The following ASTL variants were observed in gnomAD, a reference collection of about 807,000 sequenced individuals.
ASTL encodes the protein astacin-like metalloendopeptidase.
A neutral mutation model predicts 36.7 loss-of-function variants in ASTL; 27 were observed. The observed-to-expected ratio is 0.73, with a 90% confidence interval of 0.54 to 1.01. ASTL has a LOEUF of 1.01. Among genes scored for constraint, ASTL ranks in the 50% least tolerant of loss-of-function variants. The probability of loss-of-function intolerance (pLI) is 0.00; values close to 1 mark genes in which losing one functional copy is unlikely to be tolerated. For synonymous variants in ASTL, 222 were observed against 228.1 expected (o/e 0.97, Z 0.24); for missense variants, 524 against 572.8 (o/e 0.91, Z 0.87).
Position 96,132,421 on chromosome 2 carries a change from G to T in ASTL, c.637+119C>A. The stretch of plus-strand genomic sequence containing the variant: ...AAGTGAGACCCCCACCTTCCCCACA[G>T]GAAGCAGGCAGGTGATGGGGAGGAT... On this transcript the variant is annotated intron_variant, in intron 6 of 8. Coordinates refer to ENST00000342380, the MANE Select transcript of ASTL (RefSeq NM_001002036.4). The surrounding 1 kb of genome is among the most constrained non-coding windows in gnomAD (Gnocchi z 5.4). 2 of 902,058 alleles carry T rather than the reference G, an allele frequency of 2.2e-6. No individual in the cohort carries two copies. Among genetic ancestry groups the T allele is most frequent in the Non-Finnish European group, 3.3e-6 (2 of 611,000 alleles). 55.9% of individuals were successfully genotyped at this position (902,058 alleles called of 1,614,324 possible).
chr2:96,129,975 G>A lies in ASTL; in HGVS notation c.723C>T (p.Leu241=), dbSNP rs749459. Residue 241 remains leucine (L), a synonymous_variant, in exon 8 of 9, where the codon CTC becomes CTT. Transcript: ENST00000342380. The part of the protein sequence containing the change: ...DYSSVMHYGR[L]AFSRRGLPTI... ...TGGGCAGCCCACGCCGGCTGAAGGC[G>A]AGCCTGGAACCCAGCGGGAGACCCC... is the stretch of plus-strand genomic sequence containing the variant. 596,342 of 1,601,266 alleles carry A rather than the reference G, an allele frequency of 0.37. 115,034 individuals carry two copies. Among genetic ancestry groups the A allele is most frequent in the East Asian group, 0.56 (24,792 of 44,494 alleles).
rs1041728174 is a variant in ASTL, at chr2:96,132,917, A to G, written c.456-196T>C. 6.6e-6 allele frequency among the ~76,000 whole-genome samples: 1 copy of G among 151,874 alleles called. No individual in the cohort carries two copies. On this transcript the variant is annotated intron_variant, in intron 5 of 8. Transcript: ENST00000342380. This position sits in a 1 kb window ranked among gnomAD's most constrained non-coding sequence, Gnocchi z 5.4. ...GACTTCTGTGAAATGGCCATACCGG[A>G]CCCCCATCACCAGCCTGGGCTGCAG...
At chr2:96,129,040 TA>T (rs988406747) in intron 8 of ASTL, among the ~76,000 whole-genome samples, 149 of 140,420 alleles carry the variant, frequency 1.1e-3, no homozygotes, top group East Asian at 1.4e-3. Context: ...ACTCCATCTT[TA>T]AAAAAAAAAA....
chr2:96,124,304 G>A lies in ASTL; in HGVS notation c.875-33C>T. 1 of 1,484,986 alleles carries A rather than the reference G, an allele frequency of 6.7e-7. No individual in the cohort carries two copies. The highest frequency in any genetic ancestry group is 1.4e-5 in the African/African-American group (1 of 71,146). The allele number at this position is 1,484,986 out of a possible 1,614,324, so 92.0% of individuals were successfully genotyped here. On this transcript the variant is annotated intron_variant, in intron 8 of 8. Transcript: ENST00000342380. The surrounding 1 kb of genome is among the most constrained non-coding windows in gnomAD (Gnocchi z 4.1). ...AGAAAAGACAGGAGGTGGAACCTCAGAACTGTAGGATGACATGTGGCCCAG... is the reference window on the plus strand; with the variant it reads ...AGAAAAGACAGGAGGTGGAACCTCAAAACTGTAGGATGACATGTGGCCCAG...
chr2:96,132,436 A>G lies in ASTL; in HGVS notation c.637+104T>C. On this transcript the variant is annotated intron_variant, in intron 6 of 8. Coordinates refer to ENST00000342380, the MANE Select transcript of ASTL (RefSeq NM_001002036.4). This position sits in a 1 kb window ranked among gnomAD's most constrained non-coding sequence, Gnocchi z 5.4. ...CTTCCCCACAGGAAGCAGGCAGGTG[A>G]TGGGGAGGATGGATAGCCTCACCCA... 1 of 1,028,076 alleles carries G rather than the reference A, an allele frequency of 9.7e-7. No homozygotes were observed. The highest frequency in any genetic ancestry group is 1.4e-6 in the Non-Finnish European group (1 of 716,304). 63.7% of individuals were successfully genotyped at this position (1,028,076 alleles called of 1,614,324 possible).
chr2:96,133,319 G>A (rs965662907), intron 5 of ASTL, 106 bp downstream of exon 5: 3 of 849,822 alleles, frequency 3.5e-6, no homozygotes, highest in South Asian at 1.5e-5. Context: ...CAGGGAGACT[G>A]AGCCCTGGAG....
rs771746691 is a variant in ASTL at position 96,133,954 on chromosome 2, T to C, written c.337+11A>G. 1.9e-6 allele frequency: 3 copies of C among 1,584,406 alleles called. No individual in the cohort carries two copies. The highest frequency in any genetic ancestry group is 4.5e-5 in the East Asian group (2 of 44,734). On this transcript the variant is annotated intron_variant, in intron 4 of 8. Transcript: ENST00000342380. ...GCTGAGGCAGGGAGGGAGCGCGCCA[T>C]GCTCACTCACCGTACTTGCTGGAGA...
chr2:96,133,619 T>C (rs1382135573), intron 4 of ASTL, 77 bp from the exon 5 acceptor site: 2 of 1,068,264 alleles, frequency 1.9e-6, no homozygotes, highest in Non-Finnish European at 2.9e-6. Context: ...GGAGCAGAGC[T>C]CTGAACTCAC....
chr2:96,133,140 T>C (rs1381555624), intron 5 of ASTL, among the ~76,000 whole-genome samples: 3 of 152,208 alleles, frequency 2.0e-5, no homozygotes, highest in African/African-American at 7.2e-5. Context: ...TTGCCAGGAC[T>C]CAGTGACTCA....
At position 96,130,070 on chromosome 2, in the gene ASTL, T is replaced by G. The variant is rs762938662; in HGVS notation, c.713A>C (p.Tyr238Ser). Residue 238 changes from tyrosine (Y) to serine (S), a missense_variant, in exon 7 of 9, where the codon TAT (tyrosine) becomes TCT (serine). By Grantham distance (144) the Tyr-to-Ser change is moderately radical. Transcript: ENST00000342380. The part of the protein sequence containing the change: ...TPYDYSSVMH[Y>S]GRLAFSRRGL... The stretch of plus-strand genomic sequence containing the variant: ...AAGAAGGCAGGGTCCTCACCTCCCA[T>G]AGTGCATCACAGAGGAGTAGTCATA... 1.2e-6 allele frequency: 2 copies of G among 1,613,696 alleles called. No individual in the cohort carries two copies. The highest frequency in any genetic ancestry group is 1.7e-6 in the Non-Finnish European group (2 of 1,179,710).
intron 8 of ASTL, among the ~76,000 whole-genome samples, chr2:96,125,786 T>C (rs768829736): frequency 1.1e-4 from 16 of 152,126 alleles, no homozygotes; most frequent in Non-Finnish European, 2.1e-4. Flanking sequence ...CTACTAAAAA[T>C]ACAAAACGTA....
intron 8 of ASTL, among the ~76,000 whole-genome samples, chr2:96,127,919 T>G (rs888978786): frequency 6.6e-6 from 1 of 152,132 alleles, no homozygotes; most frequent in Non-Finnish European, 1.5e-5. Flanking sequence ...GTATTTTGTA[T>G]ACAAATTATG....
chr2:96,132,757 GC>G lies in ASTL; in HGVS notation c.456-37del, dbSNP rs754304646. ...ATGAGAGCAAGTGGGGTAAGTGCCA[GC>G]CCAGATCCCTCCGGACATACAGACC... is the stretch of plus-strand genomic sequence containing the variant. On this transcript the variant is annotated intron_variant, in intron 5 of 8. Transcript: ENST00000342380. The surrounding 1 kb of genome is among the most constrained non-coding windows in gnomAD (Gnocchi z 5.4). 2.8e-5 allele frequency: 45 copies of G among 1,580,254 alleles called. No homozygotes were observed. In the Admixed American group the frequency reaches 5.5e-4, roughly 19 times the overall value.
At chr2:96,134,551 C>T (rs1682257011) in intron 3 of ASTL, among the ~76,000 whole-genome samples, 1 of 152,096 alleles carries the variant, frequency 6.6e-6, no homozygotes, top group Non-Finnish European at 1.5e-5. Context: ...GGTGCCCAGG[C>T]TCCACAGCAC....
chr2:96,129,300 T>A (rs547968709), intron 8 of ASTL, among the ~76,000 whole-genome samples: 1 of 152,388 alleles, frequency 6.6e-6, no homozygotes, highest in African/African-American at 2.4e-5. Flanking sequence ...TTGTGTTTTC[T>A]AACTGGGTGT....
chr2:96,130,042 GAGA>G lies in ASTL; in HGVS notation c.719+19_719+21del. The G allele has an allele frequency of 6.2e-7, 1 of 1,613,654 alleles. No individual in the cohort carries two copies. Among genetic ancestry groups the G allele is most frequent in the Non-Finnish European group, 8.5e-7 (1 of 1,179,544 alleles). On this transcript the variant is annotated intron_variant, in intron 7 of 8. Coordinates refer to ENST00000342380, the MANE Select transcript of ASTL (RefSeq NM_001002036.4). ...CGGGAGAGGCTGGGGGAAGCAGAGG[GAGA>G]AGAAGGCAGGGTCCTCACCTCCCAT... is the stretch of plus-strand genomic sequence containing the variant.
At chr2:96,128,958 T>A (rs1558714564) in intron 8 of ASTL, among the ~76,000 whole-genome samples, 1 of 151,870 alleles carries the variant, frequency 6.6e-6, no homozygotes, top group Non-Finnish European at 1.5e-5. Context: ...AAGAATCACT[T>A]GAACCTCGGA....
intron 3 of ASTL, among the ~76,000 whole-genome samples, chr2:96,134,680 G>C (rs1416399627): frequency 6.6e-6 from 1 of 152,182 alleles, no homozygotes; most frequent in Admixed American, 6.5e-5. Flanking sequence ...GGAGTTCCTG[G>C]GCAGCCTTGG....
rs774001295 is a variant in ASTL, at chr2:96,135,358, A to G, written c.236T>C (p.Ile79Thr). Residue 79 changes from isoleucine (I) to threonine (T), a missense_variant, in exon 3 of 9, where the codon ATC becomes ACC. Physicochemically the swap from Ile to Thr is moderately conservative, Grantham distance 89 (BLOSUM62 -1). Transcript: ENST00000342380. ...GTCAGTGTGTGCACTCACCGGCCGG[A>G]TGATGTCCCCCTCGATGAGGAAGCT... ...ESSFLIEGDI[I>T]RPSPFRLLSA... The G allele has an allele frequency of 6.2e-7, 1 of 1,614,066 alleles. No homozygotes were observed. Among genetic ancestry groups the G allele is most frequent in the South Asian group, 1.1e-5 (1 of 91,078 alleles).
Sources: gnomAD v4.1 joint callset for allele counts (sites outside exome capture counted in the v4.1 genomes callset) on GRCh38, gnomAD v4.1.1 for gene constraint, Gnocchi (gnomAD v3.1) non-coding constraint, MANE v1.5 for transcripts, NCBI Gene and HGNC (gene_info 2026-07-23, HGNC 2026-07-21) for gene names.